FAM83F: variants seen among roughly 807,000 people sequenced by gnomAD.
The protein encoded by FAM83F is scaffolding CK1 anchoring protein F, also known as protein FAM83F.
In FAM83F, 45 loss-of-function variants were observed where a neutral mutation model predicts 42.9. That is an observed-to-expected ratio of 1.05 (90% confidence interval 0.83 to 1.35). The LOEUF is 1.35. FAM83F is among the 40% of genes most tolerant of loss of function. The probability of loss-of-function intolerance (pLI) is 0.00; values close to 1 mark genes in which losing one functional copy is unlikely to be tolerated. For synonymous variants in FAM83F, 306 were observed against 298.3 expected, an observed-to-expected ratio of 1.03 and a Z score of -0.27; for missense variants, 617 against 695.9, an observed-to-expected ratio of 0.89 and a Z score of 1.28.
chr22:40,029,453 G>C (rs2067574518), intron 4 of FAM83F, 63 bp from the exon 5 acceptor site: 53 of 1,560,724 alleles, frequency 3.4e-5, no homozygotes, highest in Non-Finnish European at 4.6e-5. Context: ...GGTAGGAACT[G>C]AAGCTGAATC....
At position 40,005,132 on chromosome 22, in the gene FAM83F, G is replaced by A. The variant is rs138454547; in HGVS notation, c.489+9601G>A. ...ATAGCCACAGAGTTATCCTTGCTGC[G>A]TCTCAGCACCTCCCAGGCAAACTGC... On this transcript the variant is annotated intron_variant, in intron 1 of 4. Transcript: ENST00000333407. Among the ~76,000 whole-genome samples, 6 of 152,270 alleles carry A rather than the reference G, an allele frequency of 3.9e-5. No individual in the cohort carries two copies. In the East Asian group the frequency reaches 5.8e-4, roughly 15 times the overall value.
rs910977692 is a variant in FAM83F at position 40,023,661 on chromosome 22, G to A, written c.1453+1698G>A. Among the ~76,000 whole-genome samples the A allele has an allele frequency of 2.6e-5, 4 of 152,142 alleles. No individual in the cohort carries two copies. The highest frequency in any genetic ancestry group is 7.2e-5 in the African/African-American group (3 of 41,436). ...CTGCTCCCACATCTCGGGTGGTCAC[G>A]GCGGCCCTGCCCCTGCTGCCGCTCT... is the stretch of plus-strand genomic sequence containing the variant. On this transcript the variant is annotated intron_variant, in intron 4 of 4. Coordinates refer to ENST00000333407, the MANE Select transcript of FAM83F (RefSeq NM_138435.4). This position sits in a 1 kb window ranked among gnomAD's most constrained non-coding sequence, Gnocchi z 4.1.
rs1248530073 is a variant in FAM83F, at chr22:39,995,264, C to A, written c.222C>A (p.Tyr74Ter). 1 of 1,535,476 alleles carries A rather than the reference C, an allele frequency of 6.5e-7. No individual in the cohort carries two copies. The change falls in exon 1 of 5, where the codon TAC (tyrosine) becomes TAA (stop). Residue 74 changes from tyrosine (Y) to a stop codon, truncating the protein, a stop_gained. Transcript: ENST00000333407. LOFTEE classifies it high-confidence loss of function. The surrounding 1 kb of genome is among the most constrained non-coding windows in gnomAD (Gnocchi z 4.6). ...CCCTGCGGGCCGCCTGGAGCCCCTA[C>A]GAGGACGCCGTCCCCGCCGCCAACG... ...RQALRAAWSP[Y>*]EDAVPAANAR...
intron 1 of FAM83F, among the ~76,000 whole-genome samples, chr22:39,998,122 C>G (rs1040263768): frequency 2.6e-5 from 4 of 152,172 alleles, no homozygotes; most frequent in Non-Finnish European, 5.9e-5. Flanking sequence ...GGCAGGCAGC[C>G]TTCCCTGGCC....
At chr22:40,016,176 T>C (rs1212310477) in intron 1 of FAM83F, among the ~76,000 whole-genome samples, 5 of 149,754 alleles carry the variant, frequency 3.3e-5, no homozygotes, top group Admixed American at 6.6e-5. Context: ...TTGTCAGTGA[T>C]TGACTATACG....
chr22:40,019,152 G>T lies in FAM83F; in HGVS notation c.490-16G>T. The T allele has an allele frequency of 1.2e-6, 2 of 1,612,964 alleles. No homozygotes were observed. The highest frequency in any genetic ancestry group is 1.7e-6 in the Non-Finnish European group (2 of 1,179,562). ...TGTAGACACCGTGTGCCTCACCAGT[G>T]CCTTTCCCCACCCAGGTCATTGCTG... On this transcript the variant is annotated splice_polypyrimidine_tract_variant and intron_variant, in intron 1 of 4. Transcript: ENST00000333407.
rs1336025761 is a variant in FAM83F at position 40,034,264 on chromosome 22, G to C, written c.*4699G>C. 1 of 152,304 alleles carries C rather than the reference G, an allele frequency of 6.6e-6. No homozygotes were observed. Among genetic ancestry groups the C allele is most frequent in the Non-Finnish European group, 1.5e-5 (1 of 68,094 alleles). The allele number at this position is 152,304 out of a possible 1,614,324, so 9.4% of individuals were successfully genotyped here. On this transcript the variant is annotated 3_prime_UTR_variant, in exon 5 of 5. Transcript: ENST00000333407. ...CCTGCCTCCCTGCCCAAAGGACGTA[G>C]TGGCTGCTGCTGATCGTCTGCACTG...
In FAM83F at chr22:40,031,101, C is replaced by G. The variant is rs1250976002; in HGVS notation, c.*1536C>G. ...TCCCCAGGGTCTTCTCTGTTAATCCCAAGGCTGGCTTCTAGGGCGTGTGGA... is the reference window on the plus strand; with the variant it reads ...TCCCCAGGGTCTTCTCTGTTAATCCGAAGGCTGGCTTCTAGGGCGTGTGGA... On this transcript the variant is annotated 3_prime_UTR_variant, in exon 5 of 5. Transcript: ENST00000333407. 1 of 152,178 alleles carries G rather than the reference C, an allele frequency of 6.6e-6. No homozygotes were observed. The highest frequency in any genetic ancestry group is 2.4e-5 in the African/African-American group (1 of 41,386). The allele number at this position is 152,178 out of a possible 1,614,324, so 9.4% of individuals were successfully genotyped here.
At chr22:40,019,082 C>G in intron 1 of FAM83F, 86 bp from the exon 2 acceptor site, 1 of 1,517,880 alleles carries the variant, frequency 6.6e-7, no homozygotes, top group Non-Finnish European at 9.0e-7. Context: ...CCAGTGACCC[C>G]AGGGCGAGGT....
At chr22:40,016,622 G>A (rs9623109) in intron 1 of FAM83F, among the ~76,000 whole-genome samples, 2,434 of 152,174 alleles carry the variant, frequency 0.016, 69 homozygotes, top group African/African-American at 0.056. Context: ...TTGAGGGAGA[G>A]TGAGACATGA....
rs1478353937 is a variant in FAM83F at position 40,021,663 on chromosome 22, C to T, written c.1153C>T (p.Leu385=). ...LKDLVTVEQV[L]PPVEPIPLGE... ...AGACCTGGTTACGGTGGAGCAGGTG[C>T]TGCCCCCCGTGGAGCCCATCCCCTT... The change falls in exon 4 of 5, where the codon CTG becomes TTG. Residue 385 remains leucine, a synonymous_variant. Transcript: ENST00000333407. The surrounding 1 kb of genome is among the most constrained non-coding windows in gnomAD (Gnocchi z 8.7). 1.9e-6 allele frequency: 3 copies of T among 1,609,270 alleles called. No homozygotes were observed. The highest frequency in any genetic ancestry group is 3.3e-5 in the Admixed American group (2 of 59,894).
intron 1 of FAM83F, among the ~76,000 whole-genome samples, chr22:40,010,765 A>AGAT (rs1295836551): frequency 2.0e-5 from 3 of 152,224 alleles, no homozygotes; most frequent in African/African-American, 7.2e-5. Flanking sequence ...AGCTCGTGGG[A>AGAT]GATAAACTAT....
rs545964896 is a variant in FAM83F at position 40,030,263 on chromosome 22, C to G, written c.*698C>G. 6.6e-6 allele frequency: 1 copy of G among 152,408 alleles called. No individual in the cohort carries two copies. The highest frequency in any genetic ancestry group is 1.9e-4 in the East Asian group (1 of 5,156). The allele number at this position is 152,408 out of a possible 1,614,324, so 9.4% of individuals were successfully genotyped here. On this transcript the variant is annotated 3_prime_UTR_variant, in exon 5 of 5. Coordinates refer to ENST00000333407, the MANE Select transcript of FAM83F (RefSeq NM_138435.4). ...GAGGTCTCTTTTTCCCTGCCCAGTG[C>G]CGTCCTGGCAGTCTCGGCATGGGTG...
intron 4 of FAM83F, 49 bp from the exon 5 acceptor site, chr22:40,029,467 C>T (rs781181731): frequency 1.9e-6 from 3 of 1,579,450 alleles, no homozygotes; most frequent in South Asian, 2.3e-5. Flanking sequence ...CTGAATCCAC[C>T]AAGCGTTTCA....
At chr22:40,010,793 G>A (rs187356038) in intron 1 of FAM83F, among the ~76,000 whole-genome samples, 4 of 152,340 alleles carry the variant, frequency 2.6e-5, no homozygotes, top group South Asian at 2.1e-4. Context: ...AGGAGATGGC[G>A]ATCAAGTATC....
chr22:40,024,140 C>G (rs2067537294), intron 4 of FAM83F, among the ~76,000 whole-genome samples: 1 of 152,216 alleles, frequency 6.6e-6, no homozygotes, highest in African/African-American at 2.4e-5. Flanking sequence ...GCTGGGCTCA[C>G]AGGTGTGTGC....
Position 40,031,773 on chromosome 22 carries a change from C to T in FAM83F, c.*2208C>T, listed in dbSNP as rs1474672453. The T allele has an allele frequency of 6.6e-6, 1 of 152,258 alleles. No homozygotes were observed. The highest frequency in any genetic ancestry group is 1.9e-4 in the East Asian group (1 of 5,192). 9.4% of individuals were successfully genotyped at this position (152,258 alleles called of 1,614,324 possible). On this transcript the variant is annotated 3_prime_UTR_variant, in exon 5 of 5. Transcript: ENST00000333407. ...CTGGCCTGTGTCCTCGTCCTTATAG[C>T]AGTGTGGACAAGATGGTGTCGGCAC... is the stretch of plus-strand genomic sequence containing the variant.
intron 1 of FAM83F, among the ~76,000 whole-genome samples, chr22:40,007,662 T>G (rs1203615243): frequency 8.3e-6 from 1 of 120,802 alleles, no homozygotes; most frequent in Non-Finnish European, 1.7e-5. Flanking sequence ...CCTCGTTTCC[T>G]CTCCTCTCCT....
intron 1 of FAM83F, among the ~76,000 whole-genome samples, chr22:40,006,363 T>C (rs1373074286): frequency 6.6e-6 from 1 of 152,178 alleles, no homozygotes; most frequent in Non-Finnish European, 1.5e-5. Context: ...AGGCATTCTG[T>C]TTAGATCGAT....
Sources: allele counts gnomAD v4.1 joint callset (sites outside exome capture counted in the v4.1 genomes callset), GRCh38; gene constraint gnomAD v4.1.1; non-coding constraint Gnocchi (gnomAD v3.1); transcripts MANE v1.5; gene names NCBI Gene and HGNC (gene_info 2026-07-23, HGNC 2026-07-21).